Variants in NCF4 observed in about 807,000 individuals in gnomAD.
NCF4 encodes neutrophil cytosolic factor 4.
In NCF4, 30 loss-of-function variants were observed where a neutral mutation model predicts 41.7. That is an observed-to-expected ratio of 0.72 (90% CI 0.54 to 0.97). The LOEUF (loss-of-function observed/expected upper bound fraction) is 0.97. Among genes scored for constraint, NCF4 ranks in the 50% least tolerant of loss-of-function variants. The pLI is 0.00. For synonymous variants in NCF4, 195 were observed against 175.8 expected (o/e 1.11, Z -0.87); for missense variants, 432 against 460.9 (o/e 0.94, Z 0.57).
chr22:36,874,213 G>A (rs1173362328), intron 7 of NCF4, among the ~76,000 whole-genome samples: 2 of 152,260 alleles, frequency 1.3e-5, no homozygotes, highest in Non-Finnish European at 1.5e-5. Flanking sequence ...CCACAGAAGG[G>A]CTGTGTTCTG....
intron 9 of NCF4, among the ~76,000 whole-genome samples, chr22:36,876,943 G>A (rs889432463): frequency 1.3e-5 from 2 of 152,114 alleles, no homozygotes; most frequent in East Asian, 1.9e-4. Context: ...GCATCTTCCC[G>A]CACCCAGGCC....
intron 6 of NCF4, 190 bp from the exon 7 acceptor site, chr22:36,872,137 G>C (rs1410511011): frequency 2.8e-6 from 2 of 715,406 alleles, no homozygotes; most frequent in Non-Finnish European, 5.2e-6. Flanking sequence ...ACCCATCCTG[G>C]AGTCAGGGAG....
At chr22:36,862,571 C>A (rs1308878784) in intron 1 of NCF4, among the ~76,000 whole-genome samples, 3 of 152,178 alleles carry the variant, frequency 2.0e-5, no homozygotes, top group Non-Finnish European at 4.4e-5. Flanking sequence ...CTCCCTCCCC[C>A]ACTCCCTGTC....
At chr22:36,872,495 A>G in intron 7 of NCF4, 70 bp downstream of exon 7, 2 of 1,338,370 alleles carry the variant, frequency 1.5e-6, no homozygotes, top group South Asian at 2.5e-5. Flanking sequence ...GTGAAGATAG[A>G]GGTGAGGGTG....
chr22:36,863,143 G>T (rs1384577163), intron 1 of NCF4, among the ~76,000 whole-genome samples: 1 of 152,182 alleles, frequency 6.6e-6, no homozygotes, highest in Non-Finnish European at 1.5e-5. Flanking sequence ...CTCTATAATT[G>T]CAGACGACGG....
At chr22:36,873,408 G>A (rs762993129) in intron 7 of NCF4, among the ~76,000 whole-genome samples, 1 of 150,148 alleles carries the variant, frequency 6.7e-6, no homozygotes, top group African/African-American at 2.4e-5. Context: ...AGGTTAGGCT[G>A]AGATTAGAGG....
intron 1 of NCF4, among the ~76,000 whole-genome samples, chr22:36,862,085 T>A (rs1219362735): frequency 1.3e-5 from 2 of 152,070 alleles, no homozygotes; most frequent in Non-Finnish European, 2.9e-5. Flanking sequence ...TTTTCAGAAT[T>A]TTTCCTCAGT....
chr22:36,877,188 G>A (rs34334138), intron 9 of NCF4, among the ~76,000 whole-genome samples: 4,416 of 151,976 alleles, frequency 0.029, 203 homozygotes, highest in African/African-American at 0.1. Flanking sequence ...CCAGGCTGGA[G>A]TGCAGTGGTG....
chr22:36,864,675 A>T (rs1020745594), intron 2 of NCF4, among the ~76,000 whole-genome samples: 2 of 147,574 alleles, frequency 1.4e-5, no homozygotes, highest in Non-Finnish European at 3.0e-5. Context: ...TGCCTCTAAC[A>T]CTAGGTCTCA....
At chr22:36,864,816 C>A (rs920192758) in intron 2 of NCF4, 103 bp from the exon 3 acceptor site, 6 of 1,424,764 alleles carry the variant, frequency 4.2e-6, no homozygotes, top group Non-Finnish European at 5.9e-6. Flanking sequence ...GCATCCTTAT[C>A]CTCATCATCT....
chr22:36,869,236 A>G (rs1268467338), intron 4 of NCF4, among the ~76,000 whole-genome samples: 1 of 152,186 alleles, frequency 6.6e-6, no homozygotes. Context: ...CACAGTAACA[A>G]TGATGACATC....
Position 36,865,440 on chromosome 22 carries a change from C to T in NCF4, c.271+368C>T, listed in dbSNP as rs140480134. Among the ~76,000 whole-genome samples, 80 of 152,286 alleles carry T rather than the reference C, an allele frequency of 5.3e-4. 1 individual carries two copies. The highest frequency in any genetic ancestry group is 1.6e-3 in the African/African-American group (66 of 41,542). On this transcript the variant is annotated intron_variant, in intron 3 of 9. Transcript: ENST00000248899. The surrounding 1 kb of genome is among the most constrained non-coding windows in gnomAD (Gnocchi z 4.3). ...AAACACACTGACTCACCTCCCTGCC[C>T]ACCCTCAGCTTCCTCCCACGAGACC...
intron 4 of NCF4, chr22:36,870,196 C>A (rs1940019311): frequency 1.6e-6 from 1 of 636,950 alleles, no homozygotes; most frequent in Non-Finnish European, 2.7e-6. Flanking sequence ...GCCCCTGGTC[C>A]CTCTCCTGAC....
chr22:36,867,855 C>T (rs1939965192), intron 4 of NCF4, among the ~76,000 whole-genome samples: 3 of 152,304 alleles, frequency 2.0e-5, no homozygotes, highest in African/African-American at 7.2e-5. Flanking sequence ...CATATGTGTG[C>T]CTCCATCATG....
In NCF4 at chr22:36,864,960, C is replaced by T. The variant is rs1249233393; in HGVS notation, c.159C>T (p.Tyr53=). The change falls in exon 3 of 10, where the codon TAC becomes TAT. Residue 53 remains tyrosine (Y), a synonymous_variant. Transcript: ENST00000248899. ...TGAAGACAAAAGGAGGATCCAAGTA[C>T]CTCATCTACCGCCGCTACCGCCAGT... ...IEVKTKGGSK[Y]LIYRRYRQFH... is the part of the protein sequence containing the mutation. 2 of 1,614,110 alleles carry T rather than the reference C, an allele frequency of 1.2e-6. No homozygotes were observed. Among genetic ancestry groups the T allele is most frequent in the South Asian group, 1.1e-5 (1 of 91,086 alleles).
chr22:36,868,497 C>G (rs1386361245), intron 4 of NCF4, among the ~76,000 whole-genome samples: 1 of 151,940 alleles, frequency 6.6e-6, no homozygotes, highest in Non-Finnish European at 1.5e-5. Flanking sequence ...AGATGGAGGG[C>G]AGAGGAGGTG....
chr22:36,867,238 G>C (rs1048731573), intron 3 of NCF4, among the ~76,000 whole-genome samples, 154 bp from the exon 4 acceptor site: 1 of 152,162 alleles, frequency 6.6e-6, no homozygotes, highest in African/African-American at 2.4e-5. Context: ...GATGGTGCCA[G>C]AGTGGCCACT....
In NCF4 at chr22:36,866,183, A is replaced by G. The variant is rs1011563040; in HGVS notation, c.271+1111A>G. Among the ~76,000 whole-genome samples, 8 of 151,758 alleles carry G rather than the reference A, an allele frequency of 5.3e-5. 1 individual carries two copies. The highest frequency in any genetic ancestry group is 1.2e-4 in the Non-Finnish European group (8 of 67,970). On this transcript the variant is annotated intron_variant, in intron 3 of 9. Coordinates refer to ENST00000248899, the MANE Select transcript of NCF4 (RefSeq NM_000631.5). ...TCTCTTTCTTCTTCCTTTGGCATCA[A>G]ATTCACGCACTGTCTCACCTTGGCA...
chr22:36,877,153 T>A (rs1940210949), intron 9 of NCF4, among the ~76,000 whole-genome samples: 1 of 152,180 alleles, frequency 6.6e-6, no homozygotes, highest in East Asian at 1.9e-4. Context: ...CTTTTTTTTT[T>A]TGAGATGGAG....
Sources: allele counts gnomAD v4.1 joint callset (sites outside exome capture counted in the v4.1 genomes callset), GRCh38; gene constraint gnomAD v4.1.1; non-coding constraint Gnocchi (gnomAD v3.1); transcripts MANE v1.5; gene names NCBI Gene and HGNC (gene_info 2026-07-23, HGNC 2026-07-21).